Variants in ITGA11 observed in about 807,000 individuals in gnomAD.
ITGA11 encodes the protein integrin subunit alpha 11, also known as integrin alpha-11.
In ITGA11, 97 loss-of-function variants were observed where a neutral mutation model predicts 141.9. The observed-to-expected ratio is 0.68, with a 90% CI of 0.58 to 0.81. The LOEUF is 0.81. Among genes scored for constraint, ITGA11 ranks in the 30% least tolerant of loss-of-function variants. The pLI, the probability that ITGA11 is intolerant of heterozygous loss-of-function variation, is 0.00. For missense variants in ITGA11, 1,387 were observed against 1,559.2 expected (o/e 0.89, Z 1.86); for synonymous variants, 658 against 624.6 (o/e 1.05, Z -0.80).
rs1229514950 is a variant in ITGA11 at position 68,335,917 on chromosome 15, C to T, written c.1277-72G>A. The T allele has an allele frequency of 2.4e-5, 37 of 1,535,390 alleles. No homozygotes were observed. The highest frequency in any genetic ancestry group is 3.1e-5 in the Non-Finnish European group (35 of 1,133,264). ...AGGCGTTGCTTGGCCCGGTGCATGG[C>T]TTGGCAGTGCCAGAGGATGGGCCAG... On this transcript the variant is annotated intron_variant, in intron 11 of 29. Coordinates refer to ENST00000315757, the MANE Select transcript of ITGA11 (RefSeq NM_001004439.2). The surrounding 1 kb of genome is among the most constrained non-coding windows in gnomAD (Gnocchi z 4.9).
At chr15:68,353,126 G>A (rs1206322053) in intron 7 of ITGA11, among the ~76,000 whole-genome samples, 1 of 152,188 alleles carries the variant, frequency 6.6e-6, no homozygotes, top group Non-Finnish European at 1.5e-5. Context: ...TGGTATCAGA[G>A]GTATCTCTTC....
At position 68,305,380 on chromosome 15, in the gene ITGA11, G is replaced by A. The variant is rs756842973; in HGVS notation, c.3382-1495C>T. Among the ~76,000 whole-genome samples the A allele has an allele frequency of 1.3e-5, 2 of 152,180 alleles. No individual in the cohort carries two copies. Among genetic ancestry groups the A allele is most frequent in the African/African-American group, 2.4e-5 (1 of 41,434 alleles). ...TTTTTCTGGGTAGCCCTTATCACCA[G>A]TTGATAACGTTTATATTTATGTTTA... On this transcript the variant is annotated intron_variant, in intron 28 of 29. Coordinates refer to ENST00000315757, the MANE Select transcript of ITGA11 (RefSeq NM_001004439.2). The surrounding 1 kb of genome is among the most constrained non-coding windows in gnomAD (Gnocchi z 4.6).
chr15:68,376,895 G>A lies in ITGA11; in HGVS notation c.165-7611C>T, dbSNP rs77365678. 2.6e-3 allele frequency among the ~76,000 whole-genome samples: 402 copies of A among 152,332 alleles called. 3 individuals carry two copies. The highest frequency in any genetic ancestry group is 9.4e-3 in the African/African-American group (390 of 41,576). On this transcript the variant is annotated intron_variant, in intron 2 of 29. Coordinates refer to ENST00000315757, the MANE Select transcript of ITGA11 (RefSeq NM_001004439.2). ...CAGAAGGTTCTGACTCAGCCAGTGT[G>A]GGACATGACCCAGGAATCTGCAGAT...
At chr15:68,311,255 C>T (rs1161047382) in intron 25 of ITGA11, 35 bp downstream of exon 25, 3 of 1,442,742 alleles carry the variant, frequency 2.1e-6, no homozygotes, top group African/African-American at 2.8e-5. Flanking sequence ...TCCTTCTGGT[C>T]CCCTCCCCTA....
intron 1 of ITGA11, among the ~76,000 whole-genome samples, chr15:68,415,181 A>G (rs79889437): frequency 0.011 from 1,612 of 152,272 alleles, 74 homozygotes; most frequent in Admixed American, 0.07. Flanking sequence ...AGTCTCTCCT[A>G]TTCCTTATTC....
At chr15:68,419,784 G>A (rs1896973729) in intron 1 of ITGA11, among the ~76,000 whole-genome samples, 1 of 152,224 alleles carries the variant, frequency 6.6e-6, no homozygotes, top group African/African-American at 2.4e-5. Context: ...CCTTGGGCAA[G>A]ACACTTGACC....
At position 68,396,953 on chromosome 15, in the gene ITGA11, T is replaced by A. The variant is rs951625010; in HGVS notation, c.164+5965A>T. ...TAATATATAATATATTATATATTAT[T>A]TATTATATAATAAATAATATATTAT... On this transcript the variant is annotated intron_variant, in intron 2 of 29. Transcript: ENST00000315757. Among the ~76,000 whole-genome samples, 42 of 6,072 alleles carry A rather than the reference T, an allele frequency of 6.9e-3. 7 individuals carry two copies. Among genetic ancestry groups the A allele is most frequent in the South Asian group, 0.033 (4 of 120 alleles). The allele number at this position is 6,072 out of a possible 152,430, so 4.0% of individuals were successfully genotyped here. A position where few individuals can be genotyped will look rare whatever the true frequency, so the allele number is the denominator to read the frequency against.
intron 1 of ITGA11, among the ~76,000 whole-genome samples, chr15:68,413,817 T>C (rs1156811102): frequency 6.6e-6 from 1 of 152,142 alleles, no homozygotes; most frequent in African/African-American, 2.4e-5. Flanking sequence ...GAATGCAAAC[T>C]CATCTTAATG....
At chr15:68,345,030 G>T (rs887935433) in intron 10 of ITGA11, among the ~76,000 whole-genome samples, 2 of 151,922 alleles carry the variant, frequency 1.3e-5, no homozygotes, top group African/African-American at 4.8e-5. Flanking sequence ...AGGCCCATGG[G>T]ATTACAGAGT....
At chr15:68,336,464 T>C (rs1288336272) in intron 11 of ITGA11, among the ~76,000 whole-genome samples, 2 of 152,088 alleles carry the variant, frequency 1.3e-5, no homozygotes, top group African/African-American at 4.8e-5. Context: ...ACATACAGCA[T>C]GCCAAAGAGA....
chr15:68,327,991 T>A (rs981790592), intron 16 of ITGA11, 105 bp downstream of exon 16: 3 of 1,176,280 alleles, frequency 2.6e-6, no homozygotes, highest in Non-Finnish European at 1.2e-6. Context: ...TTGGGCGACC[T>A]GGCACTTAGC....
intron 2 of ITGA11, among the ~76,000 whole-genome samples, chr15:68,381,214 T>C (rs1192454520): frequency 6.6e-6 from 1 of 152,240 alleles, no homozygotes; most frequent in Admixed American, 6.5e-5. Context: ...TCTGTCTTTG[T>C]AATTCTTGGA....
intron 2 of ITGA11, 34 bp from the exon 3 acceptor site, chr15:68,369,318 G>A: frequency 6.5e-7 from 1 of 1,532,722 alleles, no homozygotes; most frequent in Non-Finnish European, 9.0e-7. Flanking sequence ...AAAGACATTG[G>A]GGGAGGTACT....
intron 1 of ITGA11, among the ~76,000 whole-genome samples, chr15:68,413,804 G>A (rs1896830013): frequency 6.6e-6 from 1 of 152,176 alleles, no homozygotes; most frequent in Non-Finnish European, 1.5e-5. Context: ...AGGCAGTGTG[G>A]AGGAATGCAA....
chr15:68,390,226 A>G (rs976359465), intron 2 of ITGA11, among the ~76,000 whole-genome samples: 1 of 152,170 alleles, frequency 6.6e-6, no homozygotes, highest in East Asian at 1.9e-4. Context: ...AGGTGGGAAG[A>G]AGGAGAAATG....
chr15:68,412,316 C>T (rs1293824631), intron 1 of ITGA11, among the ~76,000 whole-genome samples: 1 of 152,138 alleles, frequency 6.6e-6, no homozygotes, highest in Non-Finnish European at 1.5e-5. Flanking sequence ...GAAGACCCAA[C>T]ATTAGGCAGA....
Position 68,304,831 on chromosome 15 carries a change from C to T in ITGA11, c.3382-946G>A, listed in dbSNP as rs1176929700. ...CTAACTCTCACACCCACACGGAGCC[C>T]AGCAGCAAAGTCTGTCCATTCTACC... On this transcript the variant is annotated intron_variant, in intron 28 of 29. Coordinates refer to ENST00000315757, the MANE Select transcript of ITGA11 (RefSeq NM_001004439.2). This position sits in a 1 kb window ranked among gnomAD's most constrained non-coding sequence, Gnocchi z 6.1. Among the ~76,000 whole-genome samples, 1 of 152,254 alleles carries T rather than the reference C, an allele frequency of 6.6e-6. No homozygotes were observed. Among genetic ancestry groups the T allele is most frequent in the Non-Finnish European group, 1.5e-5 (1 of 68,052 alleles).
intron 1 of ITGA11, among the ~76,000 whole-genome samples, chr15:68,414,220 G>A (rs1361385289): frequency 6.6e-6 from 1 of 152,226 alleles, no homozygotes; most frequent in Non-Finnish European, 1.5e-5. Context: ...GCGGACACCA[G>A]GCAGGGAGCA....
At chr15:68,382,384 C>T (rs902031206) in intron 2 of ITGA11, among the ~76,000 whole-genome samples, 2 of 152,180 alleles carry the variant, frequency 1.3e-5, no homozygotes, top group African/African-American at 2.4e-5. Context: ...TTCACTTTAG[C>T]GGGGCCCTTC....
Sources: gnomAD v4.1 joint callset for allele counts (sites outside exome capture counted in the v4.1 genomes callset) on GRCh38, gnomAD v4.1.1 for gene constraint, Gnocchi (gnomAD v3.1) non-coding constraint, MANE v1.5 for transcripts, NCBI Gene and HGNC (gene_info 2026-07-23, HGNC 2026-07-21) for gene names.